The following WDR76 variants were observed in gnomAD, a reference collection of about 807,000 sequenced individuals.
WDR76 encodes the protein WD repeat-containing protein 76.
A neutral mutation model predicts 70.2 loss-of-function variants in WDR76; 52 were observed. The observed-to-expected ratio is 0.74, with a 90% confidence interval of 0.59 to 0.93. The LOEUF (loss-of-function observed/expected upper bound fraction) is 0.93, where lower values mean the gene tolerates loss of function less well. WDR76 is among the 40% of genes least tolerant of loss of function. WDR76 has a pLI of 0.00. For missense variants in WDR76, 756 were observed against 760.2 expected (o/e 0.99, Z 0.07); for synonymous variants, 292 against 271.1 (o/e 1.08, Z -0.76).
chr15:43,827,746 T>C (rs112748278), intron 1 of WDR76, among the ~76,000 whole-genome samples: 3 of 152,222 alleles, frequency 2.0e-5, no homozygotes, highest in African/African-American at 7.2e-5. Context: ...GTGGTTTCAT[T>C]ATGTTAGCCA....
chr15:43,839,047 T>C (rs2087690767), intron 4 of WDR76, among the ~76,000 whole-genome samples: 1 of 152,304 alleles, frequency 6.6e-6, no homozygotes, highest in East Asian at 1.9e-4. Context: ...CATTTTAAAA[T>C]GAATTACTTT....
In WDR76 at chr15:43,828,650, G is replaced by A. The variant is rs1156685489; in HGVS notation, c.462+284G>A. Among the ~76,000 whole-genome samples the A allele has an allele frequency of 2.0e-5, 3 of 152,140 alleles. No individual in the cohort carries two copies. The East Asian group carries it at 5.8e-4, about 29-fold the overall frequency. On this transcript the variant is annotated intron_variant, in intron 2 of 12. Coordinates refer to ENST00000263795, the MANE Select transcript of WDR76 (RefSeq NM_024908.4). ...CTAACTGCATATATTTTTGGGTTTAGTCATACTTTATGGTGCCTTTCTCAC... is the reference window on the plus strand; with the variant it reads ...CTAACTGCATATATTTTTGGGTTTAATCATACTTTATGGTGCCTTTCTCAC...
intron 12 of WDR76, among the ~76,000 whole-genome samples, chr15:43,864,305 T>C (rs2088042325): frequency 1.3e-5 from 2 of 152,334 alleles, no homozygotes; most frequent in Middle Eastern, 3.4e-3. Flanking sequence ...GGTAGTGCCA[T>C]TGTTACTTTT....
chr15:43,842,084 T>G (rs542446594), intron 5 of WDR76, among the ~76,000 whole-genome samples: 3 of 152,182 alleles, frequency 2.0e-5, no homozygotes, highest in Non-Finnish European at 4.4e-5. Flanking sequence ...GCCAGGCTGG[T>G]CTCGAACTCC....
At chr15:43,855,844 G>A (rs1282617943) in intron 9 of WDR76, among the ~76,000 whole-genome samples, 3 of 140,226 alleles carry the variant, frequency 2.1e-5, no homozygotes, top group Non-Finnish European at 4.5e-5. Context: ...GTGAGACTCT[G>A]TCTCAAAAAA....
intron 1 of WDR76, among the ~76,000 whole-genome samples, chr15:43,827,749 G>T (rs2087534575): frequency 6.6e-6 from 1 of 152,098 alleles, no homozygotes; most frequent in African/African-American, 2.4e-5. Context: ...GTTTCATTAT[G>T]TTAGCCAGGA....
rs746301572 is a variant in WDR76 at position 43,842,619 on chromosome 15, A to C, written c.835-9A>C. The C allele has an allele frequency of 1.2e-6, 2 of 1,609,046 alleles. No homozygotes were observed. Among genetic ancestry groups the C allele is most frequent in the Non-Finnish European group, 1.7e-6 (2 of 1,178,440 alleles). On this transcript the variant is annotated splice_polypyrimidine_tract_variant and intron_variant, in intron 6 of 12. Transcript: ENST00000263795. ...TAACTTAGTTCTTTCATCTCTCCCA[A>C]TGTTTCAGCCAAGTAGTAAGAACAC...
rs762879280 is a variant in WDR76 at position 43,842,460 on chromosome 15, G to C, written c.778G>C (p.Glu260Gln). 6.2e-7 allele frequency: 1 copy of C among 1,613,886 alleles called. No homozygotes were observed. The highest frequency in any genetic ancestry group is 1.3e-5 in the African/African-American group (1 of 74,890). Residue 260 changes from glutamate to glutamine, a missense_variant, in exon 6 of 13, where the codon GAA becomes CAA. Coordinates refer to ENST00000263795, the MANE Select transcript of WDR76 (RefSeq NM_024908.4). ...TTTAGAAATGACTTCTGAAAATCAA[G>C]AAGACAACAATGAACGATTTAAAGG... Reference protein sequence around the residue: ...GPLEMTSENQEDNNERFKGFL... With the variant: ...GPLEMTSENQQDNNERFKGFL...
At chr15:43,832,344 A>G (rs1422061917) in intron 2 of WDR76, among the ~76,000 whole-genome samples, 1 of 152,106 alleles carries the variant, frequency 6.6e-6, no homozygotes, top group Non-Finnish European at 1.5e-5. Context: ...TAATCAAGCC[A>G]ATGCACTTCA....
chr15:43,837,314 C>T (rs2087669187), intron 4 of WDR76, among the ~76,000 whole-genome samples: 1 of 152,146 alleles, frequency 6.6e-6, no homozygotes, highest in South Asian at 2.1e-4. Context: ...TTAATCATGG[C>T]CAGGTATTTT....
chr15:43,842,746 G>T, intron 7 of WDR76, 75 bp downstream of exon 7: 1 of 1,379,660 alleles, frequency 7.2e-7, no homozygotes, highest in South Asian at 1.3e-5. Flanking sequence ...GCCATTTTAG[G>T]GAATTTTGAA....
At chr15:43,849,186 A>C (rs1299566744) in intron 8 of WDR76, among the ~76,000 whole-genome samples, 1 of 151,762 alleles carries the variant, frequency 6.6e-6, no homozygotes, top group Admixed American at 6.6e-5. Flanking sequence ...AAAAAAAAAA[A>C]AAAAAGACTG....
intron 2 of WDR76, 117 bp from the exon 3 acceptor site, chr15:43,834,944 A>C: frequency 2.2e-5 from 18 of 822,524 alleles, no homozygotes; most frequent in Non-Finnish European, 3.1e-5. Context: ...TGAAATGAAT[A>C]GAGATAGTAC....
Position 43,835,103 on chromosome 15 carries a change from A to G in WDR76, c.505A>G (p.Asn169Asp). 1 of 1,614,172 alleles carries G rather than the reference A, an allele frequency of 6.2e-7. No homozygotes were observed. Among genetic ancestry groups the G allele is most frequent in the Non-Finnish European group, 8.5e-7 (1 of 1,180,038 alleles). The change falls in exon 3 of 13, where the codon AAC becomes GAC. Residue 169 changes from asparagine (N) to aspartate (D), a missense_variant. Transcript: ENST00000263795. ...LSPYERKRLK[N>D]ISENADFFAS... ...ACCCTACGAAAGGAAGAGACTGAAG[A>G]ACATATCAGAAAACGCAGACTTTTT...
chr15:43,844,875 C>T (rs1205044663), intron 8 of WDR76, among the ~76,000 whole-genome samples: 1 of 105,602 alleles, frequency 9.5e-6, no homozygotes, highest in Non-Finnish European at 2.0e-5. Context: ...TTGCAGTGAG[C>T]CGAGATCGCA....
Position 43,858,959 on chromosome 15 carries a change from C to T in WDR76, c.1562+136C>T, listed in dbSNP as rs1595453633. On this transcript the variant is annotated intron_variant, in intron 11 of 12. Coordinates refer to ENST00000263795, the MANE Select transcript of WDR76 (RefSeq NM_024908.4). ...ATTGTTTAGTAGTCATATGTAGGTTCCTAAAGACTGGTGACCTGTATTTAA... is the reference window on the plus strand; with the variant it reads ...ATTGTTTAGTAGTCATATGTAGGTTTCTAAAGACTGGTGACCTGTATTTAA... The T allele has an allele frequency of 7.8e-6, 9 of 1,147,024 alleles. No homozygotes were observed. The African/African-American group carries it at 1.3e-4, about 16-fold the overall frequency. 71.1% of individuals were successfully genotyped at this position (1,147,024 alleles called of 1,614,324 possible).
At chr15:43,830,697 G>A (rs1403971087) in intron 2 of WDR76, among the ~76,000 whole-genome samples, 2 of 152,030 alleles carry the variant, frequency 1.3e-5, no homozygotes, top group South Asian at 2.1e-4. Context: ...GATCACCTGA[G>A]ATGAGGAGTT....
Position 43,842,671 on chromosome 15 carries a change from G to C in WDR76, c.878G>C (p.Ser293Thr). The C allele has an allele frequency of 6.2e-7, 1 of 1,608,142 alleles. No homozygotes were observed. ...NTEKGLSSIK[S>T]YKANLNGMVI... ...GAGAAGGGATTATCTAGCATTAAAAGGTAAGTTGAAATTCCTTGTGTTTCT... is the reference window on the plus strand; with the variant it reads ...GAGAAGGGATTATCTAGCATTAAAACGTAAGTTGAAATTCCTTGTGTTTCT... The change falls in exon 7 of 13, where the codon AGC becomes ACC. Residue 293 changes from serine (S) to threonine (T), a missense_variant and splice_region_variant. Transcript: ENST00000263795.
chr15:43,848,930 CT>C (rs534839516), intron 8 of WDR76, among the ~76,000 whole-genome samples: 1,438 of 127,090 alleles, frequency 0.011, 19 homozygotes, highest in African/African-American at 0.03. Context: ...AGAGTTGAGA[CT>C]TTTTTTTTTT....
Sources: allele counts gnomAD v4.1 joint callset (sites outside exome capture counted in the v4.1 genomes callset), GRCh38; gene constraint gnomAD v4.1.1; transcripts MANE v1.5; gene names NCBI Gene and HGNC (gene_info 2026-07-23, HGNC 2026-07-21).